EXOC2: variants seen among roughly 807,000 people sequenced by gnomAD.
EXOC2 encodes the protein SEC5-like 1.
A neutral mutation model predicts 131.8 loss-of-function variants in EXOC2; 70 were observed. That is an observed-to-expected ratio of 0.53 (90% CI 0.44 to 0.65). EXOC2 has a LOEUF of 0.65. Ranked by LOEUF, EXOC2 falls within the 30% of genes least tolerant of loss-of-function variation. The pLI, the probability that EXOC2 is intolerant of heterozygous loss-of-function variation, is 0.00. For synonymous variants in EXOC2, 411 were observed against 398.4 expected (o/e 1.03, Z -0.38); for missense variants, 923 against 1,108.6 (o/e 0.83, Z 2.38).
chr6:621,237 A>G (rs961256816), intron 4 of EXOC2, among the ~76,000 whole-genome samples: 1 of 152,196 alleles, frequency 6.6e-6, no homozygotes, highest in Non-Finnish European at 1.5e-5. Context: ...TGCAGGGAAC[A>G]CTGTCACCTG....
At chr6:568,820 T>G (rs1488238836) in intron 13 of EXOC2, among the ~76,000 whole-genome samples, 2 of 152,212 alleles carry the variant, frequency 1.3e-5, no homozygotes, top group Admixed American at 6.5e-5. Context: ...AAATCTGTTG[T>G]TAAAAAACAT....
chr6:581,506 A>C (rs1364221108), intron 11 of EXOC2, among the ~76,000 whole-genome samples: 2 of 152,222 alleles, frequency 1.3e-5, no homozygotes, highest in Non-Finnish European at 2.9e-5. Context: ...AATTGCGAAC[A>C]GGCACATCAC....
chr6:488,490 T>C (rs1581275403), intron 27 of EXOC2, among the ~76,000 whole-genome samples: 1 of 152,202 alleles, frequency 6.6e-6, no homozygotes, highest in Non-Finnish European at 1.5e-5. Flanking sequence ...TATATGTATA[T>C]ATAAAACTTT....
intron 22 of EXOC2, among the ~76,000 whole-genome samples, chr6:545,302 T>A (rs906265655): frequency 6.6e-6 from 1 of 152,154 alleles, no homozygotes; most frequent in East Asian, 1.9e-4. Context: ...ATTAAAAAAG[T>A]ATTTTATATA....
chr6:501,853 T>A (rs1285934159), intron 23 of EXOC2, among the ~76,000 whole-genome samples: 1 of 151,158 alleles, frequency 6.6e-6, no homozygotes, highest in African/African-American at 2.4e-5. Flanking sequence ...AGAAAAAGGA[T>A]AATTGCAAGG....
chr6:589,494 C>T lies in EXOC2; in HGVS notation c.1192+2975G>A, dbSNP rs61393828. On this transcript the variant is annotated intron_variant, in intron 11 of 27. Coordinates refer to ENST00000230449, the MANE Select transcript of EXOC2 (RefSeq NM_018303.6). ...TCTAGAAAACTTCCCTGGACTTCCC[C>T]TCAACCGGACTGCACCCTTCCTATC... Among the ~76,000 whole-genome samples the T allele has an allele frequency of 5.5e-3, 837 of 152,358 alleles. 7 individuals carry two copies. The highest frequency in any genetic ancestry group is 0.019 in the African/African-American group (791 of 41,582).
intron 23 of EXOC2, among the ~76,000 whole-genome samples, chr6:526,252 T>A (rs539976331): frequency 2.0e-5 from 3 of 152,310 alleles, no homozygotes; most frequent in African/African-American, 7.2e-5. Context: ...TATCAAGCTT[T>A]ACAGTATCTG....
rs143972589 is a variant in EXOC2, at chr6:579,479, C to T, written c.1193-2597G>A. On this transcript the variant is annotated intron_variant, in intron 11 of 27. Transcript: ENST00000230449. ...GGAGCTAGAAGAGCACATGCCCCTC[C>T]GGACTATCAGCATCTGGAATACATT... 6.1e-4 allele frequency among the ~76,000 whole-genome samples: 93 copies of T among 152,288 alleles called. 2 individuals are homozygous for T. In the East Asian group the frequency reaches 0.014, roughly 24 times the overall value.
At chr6:522,682 T>C (rs1301518051) in intron 23 of EXOC2, among the ~76,000 whole-genome samples, 1 of 125,942 alleles carries the variant, frequency 7.9e-6, no homozygotes, top group East Asian at 2.4e-4. Flanking sequence ...GGACAGCGTG[T>C]GGGGGAGCAT....
intron 1 of EXOC2, among the ~76,000 whole-genome samples, chr6:648,492 C>T (rs1046600560): frequency 6.6e-6 from 1 of 152,118 alleles, no homozygotes; most frequent in Non-Finnish European, 1.5e-5. Flanking sequence ...TTCCAATTGC[C>T]ATAAAACAAT....
intron 23 of EXOC2, among the ~76,000 whole-genome samples, chr6:527,783 C>G (rs1246757909): frequency 2.0e-5 from 3 of 151,924 alleles, no homozygotes; most frequent in Admixed American, 2.0e-4. Context: ...CACTATTTAC[C>G]TATAGAAAAT....
intron 1 of EXOC2, among the ~76,000 whole-genome samples, chr6:653,816 G>C (rs977941540): frequency 6.6e-6 from 1 of 152,188 alleles, no homozygotes; most frequent in African/African-American, 2.4e-5. Flanking sequence ...TAGCTAGAGA[G>C]GAGAAGTCAA....
intron 27 of EXOC2, 35 bp from the exon 28 acceptor site, chr6:486,799 A>T (rs1254523791): frequency 6.4e-7 from 1 of 1,567,296 alleles, no homozygotes; most frequent in African/African-American, 1.4e-5. Context: ...ACAGCCCGAC[A>T]GATGGGGCGG....
At chr6:646,982 G>C (rs1453137341) in intron 1 of EXOC2, among the ~76,000 whole-genome samples, 1 of 152,166 alleles carries the variant, frequency 6.6e-6, no homozygotes, top group African/African-American at 2.4e-5. Flanking sequence ...AAACACTGCA[G>C]GGAGAGCAAA....
At chr6:546,443 A>C (rs574595057) in intron 22 of EXOC2, among the ~76,000 whole-genome samples, 138 of 152,322 alleles carry the variant, frequency 9.1e-4, no homozygotes, top group African/African-American at 3.1e-3. Flanking sequence ...AAAGGCCAAA[A>C]CAATGTACAC....
At chr6:680,187 G>T (rs890120874) in intron 1 of EXOC2, among the ~76,000 whole-genome samples, 1 of 152,118 alleles carries the variant, frequency 6.6e-6, no homozygotes, top group African/African-American at 2.4e-5. Context: ...GCTCTTTAAA[G>T]CATTGTATCA....
chr6:591,962 A>G (rs1261026522), intron 11 of EXOC2, among the ~76,000 whole-genome samples: 1 of 152,166 alleles, frequency 6.6e-6, no homozygotes, highest in African/African-American at 2.4e-5. Context: ...TTCCCACACC[A>G]GCCATCTAAA....
intron 13 of EXOC2, among the ~76,000 whole-genome samples, chr6:567,658 T>C (rs1260827437): frequency 1.3e-5 from 2 of 152,064 alleles, no homozygotes; most frequent in African/African-American, 2.4e-5. Flanking sequence ...TACATACGTG[T>C]ACATGATGTG....
chr6:637,241 G>A (rs78417054), intron 2 of EXOC2, among the ~76,000 whole-genome samples: 3,680 of 150,214 alleles, frequency 0.024, 166 homozygotes, highest in African/African-American at 0.087. Flanking sequence ...TGCCCGCCAG[G>A]TGGAGTGAAG....
Sources: allele counts gnomAD v4.1 joint callset (sites outside exome capture counted in the v4.1 genomes callset), GRCh38; gene constraint gnomAD v4.1.1; transcripts MANE v1.5; gene names NCBI Gene and HGNC (gene_info 2026-07-23, HGNC 2026-07-21).